The following GRID2 variants were observed in gnomAD, a reference collection of about 807,000 sequenced individuals.
GRID2 encodes glutamate receptor ionotropic, delta-2.
In GRID2, 33 loss-of-function variants were observed where a neutral mutation model predicts 114.8. The observed-to-expected ratio is 0.29, with a 90% CI of 0.22 to 0.38. GRID2 has a LOEUF of 0.38. GRID2 is among the 10% of genes least tolerant of loss of function. GRID2 has a pLI of 1.00. For synonymous variants in GRID2, 505 were observed against 449.9 expected, an observed-to-expected ratio of 1.12 and a Z score of -1.55; for missense variants, 1,184 against 1,257.7, an observed-to-expected ratio of 0.94 and a Z score of 0.89.
intron 14 of GRID2, among the ~76,000 whole-genome samples, chr4:93,725,608 A>G (rs1340428334): frequency 6.6e-6 from 1 of 150,462 alleles, no homozygotes; most frequent in Non-Finnish European, 1.5e-5. Context: ...CAACAGTGTA[A>G]AAGTGTTCCT....
At chr4:93,367,073 C>T (rs969260119) in intron 8 of GRID2, among the ~76,000 whole-genome samples, 10 of 151,966 alleles carry the variant, frequency 6.6e-5, no homozygotes, top group Admixed American at 2.6e-4. Context: ...ATATGAAATA[C>T]ATAGATGAAA....
intron 14 of GRID2, among the ~76,000 whole-genome samples, chr4:93,744,287 A>G (rs1173979602): frequency 6.6e-6 from 1 of 152,204 alleles, no homozygotes; most frequent in Non-Finnish European, 1.5e-5. Flanking sequence ...TAAGAAATAC[A>G]TTTTGGCTGT....
chr4:93,052,733 G>T (rs1341225931), intron 2 of GRID2, among the ~76,000 whole-genome samples: 1 of 151,826 alleles, frequency 6.6e-6, no homozygotes, highest in African/African-American at 2.4e-5. Context: ...ATGATTCTGA[G>T]CCTGATTCTC....
chr4:93,062,991 C>A, intron 2 of GRID2, among the ~76,000 whole-genome samples: 1 of 151,950 alleles, frequency 6.6e-6, no homozygotes, highest in South Asian at 2.1e-4. Flanking sequence ...GAAGACATTA[C>A]TATTTAAAGA....
At chr4:93,592,149 A>G (rs1738418222) in intron 13 of GRID2, among the ~76,000 whole-genome samples, 1 of 151,956 alleles carries the variant, frequency 6.6e-6, no homozygotes. Flanking sequence ...TTGTGATGTT[A>G]GGGTGTCAAT....
At chr4:92,953,438 TA>T (rs1318983174) in intron 2 of GRID2, among the ~76,000 whole-genome samples, 3 of 152,200 alleles carry the variant, frequency 2.0e-5, no homozygotes, top group Non-Finnish European at 4.4e-5. Flanking sequence ...CAGTAAATTC[TA>T]AAAACTTTCT....
At chr4:93,616,053 A>G (rs1741605963) in intron 13 of GRID2, among the ~76,000 whole-genome samples, 1 of 152,170 alleles carries the variant, frequency 6.6e-6, no homozygotes, top group African/African-American at 2.4e-5. Context: ...TTGTAGTCAT[A>G]TGTCTAAAGG....
In GRID2 at chr4:92,772,722, A is replaced by T. The variant is rs552653012; in HGVS notation, c.244+182436A>T. On this transcript the variant is annotated intron_variant, in intron 2 of 15. Coordinates refer to ENST00000282020, the MANE Select transcript of GRID2 (RefSeq NM_001510.4). ...AAAGATTGCCTGCAATTTGAAACAC[A>T]CTGAACTCCATTTTCCCACATTTTG... Among the ~76,000 whole-genome samples, 3 of 152,258 alleles carry T rather than the reference A, an allele frequency of 2.0e-5. No homozygotes were observed. The South Asian group carries it at 6.2e-4, about 32-fold the overall frequency.
At chr4:92,951,035 T>C (rs1426683162) in intron 2 of GRID2, among the ~76,000 whole-genome samples, 1 of 152,178 alleles carries the variant, frequency 6.6e-6, no homozygotes, top group Non-Finnish European at 1.5e-5. Flanking sequence ...TAAAGGAAAC[T>C]CTTTAACCAA....
chr4:93,605,406 T>C (rs756007147), intron 13 of GRID2, among the ~76,000 whole-genome samples: 4 of 152,188 alleles, frequency 2.6e-5, no homozygotes, highest in Non-Finnish European at 5.9e-5. Context: ...TCTTTTGGTA[T>C]CTATGCTACT....
At chr4:93,443,614 G>GA (rs2149395192) in intron 10 of GRID2, among the ~76,000 whole-genome samples, 1 of 152,028 alleles carries the variant, frequency 6.6e-6, no homozygotes, top group South Asian at 2.1e-4. Context: ...TCAGCGAAAG[G>GA]AAAGTGGTGA....
intron 11 of GRID2, among the ~76,000 whole-genome samples, chr4:93,481,840 G>A (rs1337329329): frequency 6.6e-6 from 1 of 152,004 alleles, no homozygotes; most frequent in Non-Finnish European, 1.5e-5. Flanking sequence ...GCAAAAATGA[G>A]CAGGGTCAGT....
intron 2 of GRID2, among the ~76,000 whole-genome samples, chr4:92,695,628 A>G (rs552609224): frequency 6.6e-5 from 10 of 152,278 alleles, no homozygotes; most frequent in African/African-American, 1.9e-4. Context: ...AAATGCTAAT[A>G]TCTTAGATTT....
intron 1 of GRID2, among the ~76,000 whole-genome samples, chr4:92,536,222 T>A (rs1725623561): frequency 6.6e-6 from 1 of 152,098 alleles, no homozygotes; most frequent in Non-Finnish European, 1.5e-5. Context: ...GAGTGCTGAT[T>A]GGTGCATTTA....
rs530705961 is a variant in GRID2, at chr4:93,500,932, C to A, written c.1997+10155C>A. 1.4e-4 allele frequency among the ~76,000 whole-genome samples: 22 copies of A among 152,082 alleles called. No individual in the cohort carries two copies. The South Asian group carries it at 3.9e-3, about 27-fold the overall frequency. ...TTTAGTGTCTCCCTTTTTTGAACCA[C>A]TTCACATCTACCTCACTTACACCCT... On this transcript the variant is annotated intron_variant, in intron 12 of 15. Transcript: ENST00000282020.
intron 1 of GRID2, among the ~76,000 whole-genome samples, chr4:92,491,575 T>G (rs910963745): frequency 3.9e-5 from 6 of 152,192 alleles, no homozygotes; most frequent in African/African-American, 1.4e-4. Flanking sequence ...ATGCAATGAC[T>G]TGTGCCATTT....
chr4:93,117,584 C>A (rs1304554193), intron 4 of GRID2, among the ~76,000 whole-genome samples: 1 of 152,156 alleles, frequency 6.6e-6, no homozygotes, highest in East Asian at 1.9e-4. Context: ...CTGCTCTCTG[C>A]ATTCTTGTTT....
intron 2 of GRID2, among the ~76,000 whole-genome samples, chr4:92,657,117 T>G (rs990441431): frequency 2.0e-5 from 3 of 151,692 alleles, no homozygotes; most frequent in African/African-American, 7.2e-5. Context: ...TTCTTTTAAT[T>G]AAGATATATA....
chr4:93,285,223 C>G (rs990013568), intron 8 of GRID2, among the ~76,000 whole-genome samples: 4 of 152,062 alleles, frequency 2.6e-5, no homozygotes, highest in Admixed American at 2.6e-4. Context: ...TTTCACATCA[C>G]TGCATGAGTC....
Sources: gnomAD v4.1 joint callset for allele counts (sites outside exome capture counted in the v4.1 genomes callset) on GRCh38, gnomAD v4.1.1 for gene constraint, MANE v1.5 for transcripts, NCBI Gene and HGNC (gene_info 2026-07-23, HGNC 2026-07-21) for gene names.